Variants in SEMA3D observed in about 807,000 individuals in gnomAD.
SEMA3D encodes semaphorin-3D.
In SEMA3D, 84 loss-of-function variants were observed where a neutral mutation model predicts 100.1. The observed-to-expected ratio is 0.84, with a 90% confidence interval of 0.70 to 1.01. The LOEUF (loss-of-function observed/expected upper bound fraction) is 1.01, where lower values mean the gene tolerates loss of function less well. SEMA3D is among the 50% of genes least tolerant of loss of function. The pLI is 0.00. For missense variants in SEMA3D, 875 were observed against 934.1 expected (o/e 0.94, Z 0.82); for synonymous variants, 312 against 320.7 (o/e 0.97, Z 0.29).
chr7:85,157,727 C>T (rs1244686662), intron 1 of SEMA3D: 31 of 627,956 alleles, frequency 4.9e-5, no homozygotes, highest in Non-Finnish European at 6.2e-5. Flanking sequence ...TAGCTCTTCT[C>T]CTCAACAACA....
Position 84,997,421 on chromosome 7 carries a change from A to G in SEMA3D, c.*2019T>C, listed in dbSNP as rs1028431514. Reference sequence around the variant, plus strand: ...ACAAACACTGTTGTTACGCTATTCAATTAGAAGTCTGATCATGCCACACTG... The same window carrying G: ...ACAAACACTGTTGTTACGCTATTCAGTTAGAAGTCTGATCATGCCACACTG... On this transcript the variant is annotated 3_prime_UTR_variant, in exon 19 of 19. Coordinates refer to ENST00000284136, the MANE Select transcript of SEMA3D (RefSeq NM_001384900.1). 2 of 152,218 alleles carry G rather than the reference A, an allele frequency of 1.3e-5. No individual in the cohort carries two copies. The highest frequency in any genetic ancestry group is 3.9e-4 in the East Asian group (2 of 5,180). The allele number at this position is 152,218 out of a possible 1,614,324, so 9.4% of individuals were successfully genotyped here.
intron 9 of SEMA3D, among the ~76,000 whole-genome samples, chr7:85,047,589 T>C (rs1284177250): frequency 1.3e-5 from 2 of 151,846 alleles, no homozygotes; most frequent in Admixed American, 1.3e-4. Flanking sequence ...GAAAATGTAA[T>C]AATTGACTTT....
intron 2 of SEMA3D, among the ~76,000 whole-genome samples, chr7:85,132,821 G>A (rs1789763638): frequency 6.6e-6 from 1 of 151,714 alleles, no homozygotes; most frequent in Admixed American, 6.6e-5. Flanking sequence ...AACATTATTT[G>A]ATGTACTGGA....
At chr7:85,045,635 A>G (rs114782296) in intron 9 of SEMA3D, among the ~76,000 whole-genome samples, 4,042 of 151,994 alleles carry the variant, frequency 0.027, 178 homozygotes, top group African/African-American at 0.09. Flanking sequence ...CAGAACATTT[A>G]TGAATATATA....
intron 12 of SEMA3D, among the ~76,000 whole-genome samples, chr7:85,033,600 T>C (rs1259394885): frequency 6.6e-6 from 1 of 152,134 alleles, no homozygotes; most frequent in Non-Finnish European, 1.5e-5. Flanking sequence ...AAATAATTTG[T>C]TGTTGTTGTA....
At chr7:85,151,620 T>C (rs1324370152) in intron 2 of SEMA3D, 1 of 975,748 alleles carries the variant, frequency 1.0e-6, no homozygotes, top group Non-Finnish European at 1.2e-6. Context: ...TGTGTGTGTG[T>C]GTGTGTGTGT....
rs1359500597 is a variant in SEMA3D, at chr7:85,015,042, C to G, written c.1703+17G>C. ...TGTAGAAAGGAAGCCTTTATATTAA[C>G]TCCATGTGCCTCTTACCTTTTAGAA... On this transcript the variant is annotated intron_variant, in intron 16 of 18. Coordinates refer to ENST00000284136, the MANE Select transcript of SEMA3D (RefSeq NM_001384900.1). 6.9e-6 allele frequency: 11 copies of G among 1,601,756 alleles called. No individual in the cohort carries two copies. The Admixed American group carries it at 1.5e-4, about 22-fold the overall frequency.
chr7:85,095,318 C>T (rs149273840), intron 4 of SEMA3D, among the ~76,000 whole-genome samples: 55 of 151,836 alleles, frequency 3.6e-4, no homozygotes, highest in Non-Finnish European at 6.8e-4. Context: ...TCAGTAGGCA[C>T]AGCCTTGTTT....
At chr7:85,034,315 G>C (rs1178687649) in intron 12 of SEMA3D, among the ~76,000 whole-genome samples, 1 of 151,926 alleles carries the variant, frequency 6.6e-6, no homozygotes, top group East Asian at 1.9e-4. Flanking sequence ...AAAAGCATTA[G>C]AATGACCTAG....
chr7:85,045,163 T>C (rs1041452699), intron 9 of SEMA3D, among the ~76,000 whole-genome samples: 10 of 151,986 alleles, frequency 6.6e-5, no homozygotes, highest in African/African-American at 2.2e-4. Flanking sequence ...ATACTGTCTG[T>C]GCTGGAAACT....
At chr7:85,182,295 C>T (rs954662638) in intron 1 of SEMA3D, among the ~76,000 whole-genome samples, 1 of 152,110 alleles carries the variant, frequency 6.6e-6, no homozygotes, top group Non-Finnish European at 1.5e-5. Flanking sequence ...CTCCCAGTCT[C>T]TCACAATTTT....
At chr7:85,043,964 G>A (rs757009590) in intron 9 of SEMA3D, among the ~76,000 whole-genome samples, 3 of 152,020 alleles carry the variant, frequency 2.0e-5, no homozygotes, top group Non-Finnish European at 4.4e-5. Context: ...GAATAAGCAT[G>A]ATTTTTCATT....
intron 18 of SEMA3D, among the ~76,000 whole-genome samples, chr7:85,001,339 T>C (rs893383560): frequency 5.9e-5 from 9 of 152,220 alleles, no homozygotes; most frequent in African/African-American, 2.2e-4. Flanking sequence ...GTATTCTTTT[T>C]CTTATGGATT....
chr7:85,140,178 G>A (rs1790004188), intron 2 of SEMA3D: 1 of 486,026 alleles, frequency 2.1e-6, no homozygotes, highest in Non-Finnish European at 2.7e-6. Flanking sequence ...GTTTATAAGA[G>A]CATTTATTTA....
Position 85,068,180 on chromosome 7 carries a change from A to G in SEMA3D, c.589+11T>C. ...CATTTAAGGATAAGAACTGCCTGTCATTGATCTTACCTGTCATTACTGAAG... is the reference window on the plus strand; with the variant it reads ...CATTTAAGGATAAGAACTGCCTGTCGTTGATCTTACCTGTCATTACTGAAG... On this transcript the variant is annotated intron_variant, in intron 7 of 18. Transcript: ENST00000284136. 1 of 1,503,264 alleles carries G rather than the reference A, an allele frequency of 6.7e-7. No individual in the cohort carries two copies. The highest frequency in any genetic ancestry group is 1.1e-5 in the South Asian group (1 of 88,674). 93.1% of individuals were successfully genotyped at this position (1,503,264 alleles called of 1,614,324 possible). A position where few individuals can be genotyped will look rare whatever the true frequency, so the allele number is the denominator to read the frequency against.
Position 84,999,603 on chromosome 7 carries a change from T to C in SEMA3D, c.2171A>G (p.Asn724Ser). ...KDYIQILSSP[N>S]FSLDQYCEQM... The stretch of plus-strand genomic sequence containing the variant: ...TTCGCAGTACTGGTCGAGGCTGAAG[T>C]TTGGGCTGCTAAGGATTTGGATGTA... The change falls in exon 19 of 19, where the codon AAC (asparagine) becomes AGC (serine). Residue 724 changes from asparagine to serine, a missense_variant. By Grantham distance (46) the Asn-to-Ser change is conservative. Transcript: ENST00000284136. 3 of 1,614,140 alleles carry C rather than the reference T, an allele frequency of 1.9e-6. No individual in the cohort carries two copies. Among genetic ancestry groups the C allele is most frequent in the Non-Finnish European group, 2.5e-6 (3 of 1,180,028 alleles).
chr7:85,244,951 C>T, the SEMA3D span, among the ~76,000 whole-genome samples: 1 of 152,094 alleles, frequency 6.6e-6, no homozygotes, highest in Admixed American at 6.5e-5. Context: ...ACCTTGTGAT[C>T]TGCCCACCTT....
the SEMA3D span, among the ~76,000 whole-genome samples, chr7:85,215,942 C>G: frequency 6.6e-6 from 1 of 151,824 alleles, no homozygotes; most frequent in Non-Finnish European, 1.5e-5. Flanking sequence ...AAACAATTGG[C>G]CTATTTTGCA....
intron 5 of SEMA3D, among the ~76,000 whole-genome samples, chr7:85,076,900 C>A (rs959656388): frequency 6.6e-6 from 1 of 151,914 alleles, no homozygotes; most frequent in Non-Finnish European, 1.5e-5. Context: ...TCAAGACCAA[C>A]CTGGCCAAGA....
Sources: allele counts gnomAD v4.1 joint callset (sites outside exome capture counted in the v4.1 genomes callset), GRCh38; gene constraint gnomAD v4.1.1; transcripts MANE v1.5; gene names NCBI Gene and HGNC (gene_info 2026-07-23, HGNC 2026-07-21).